LYRM9: variants seen among roughly 807,000 people sequenced by gnomAD.
LYRM9 encodes the protein LYR motif-containing protein 9.
In LYRM9, 14 loss-of-function variants were observed where a neutral mutation model predicts 12.6. That is an observed-to-expected ratio of 1.11 (90% CI 0.73 to 1.73). LYRM9 has a LOEUF of 1.73. Among genes scored for constraint, LYRM9 ranks in the 40% most tolerant of loss-of-function variants. The pLI is 0.00. For missense variants in LYRM9, 94 were observed against 95.0 expected (o/e 0.99, Z 0.04); for synonymous variants, 42 against 35.1 (o/e 1.20, Z -0.69).
intron 1 of LYRM9, chr17:27,892,144 G>A (rs1294478872): frequency 5.3e-6 from 1 of 187,698 alleles, no homozygotes; most frequent in Non-Finnish European, 1.1e-5. Context: ...TGCCCAGGCT[G>A]GTCTCAAAAT....
intron 2 of LYRM9, chr17:27,880,704 T>G: frequency 3.2e-6 from 1 of 315,876 alleles, no homozygotes; most frequent in Non-Finnish European, 5.9e-6. Context: ...TCCATCTCTC[T>G]TCCTCAGAAG....
intron 1 of LYRM9, chr17:27,883,299 A>G (rs1905126377): frequency 3.7e-6 from 1 of 272,354 alleles, no homozygotes; most frequent in Non-Finnish European, 7.4e-6. Context: ...GCATGAATCT[A>G]GGGGGCTCTG....
intron 1 of LYRM9, among the ~76,000 whole-genome samples, chr17:27,885,740 G>T (rs1294237408): frequency 1.3e-5 from 2 of 150,658 alleles, no homozygotes; most frequent in Admixed American, 1.3e-4. Context: ...ATTCATTTGG[G>T]CCCTAAAACC....
At position 27,886,793 on chromosome 17, in the gene LYRM9, A is replaced by C. The variant is rs1462398357; in HGVS notation, c.-18-4081T>G. ...CCTGAGTAGCTGGGATTACAGGTGC[A>C]TGCCACCACACCCAGCTAATTTTCG... On this transcript the variant is annotated intron_variant, in intron 1 of 3. Coordinates refer to ENST00000379102, the MANE Select transcript of LYRM9 (RefSeq NM_001076680.3). This position sits in a 1 kb window ranked among gnomAD's most constrained non-coding sequence, Gnocchi z 4.8. Among the ~76,000 whole-genome samples, 1 of 151,892 alleles carries C rather than the reference A, an allele frequency of 6.6e-6. No homozygotes were observed. Among genetic ancestry groups the C allele is most frequent in the Non-Finnish European group, 1.5e-5 (1 of 67,952 alleles).
intron 1 of LYRM9, chr17:27,892,651 T>G (rs1905496262): frequency 3.2e-6 from 1 of 308,610 alleles, no homozygotes; most frequent in Non-Finnish European, 6.4e-6. Context: ...AGAATGGGAG[T>G]AGATGGGAGG....
intron 1 of LYRM9, among the ~76,000 whole-genome samples, chr17:27,889,154 A>C (rs911337874): frequency 1.3e-5 from 2 of 152,170 alleles, no homozygotes; most frequent in Non-Finnish European, 2.9e-5. Context: ...CAGTTTGGCC[A>C]TGCTCTGACC....
chr17:27,890,949 T>C (rs561591140), intron 1 of LYRM9, among the ~76,000 whole-genome samples: 5 of 145,070 alleles, frequency 3.4e-5, no homozygotes, highest in Admixed American at 6.9e-5. Flanking sequence ...CTCTCCTACA[T>C]AGCCAAGGCT....
At chr17:27,880,037 C>T in intron 3 of LYRM9, 1 of 687,326 alleles carries the variant, frequency 1.5e-6, no homozygotes, top group Admixed American at 2.2e-5. Flanking sequence ...CACTGTTGGG[C>T]AGAAATTTGC....
intron 1 of LYRM9, 27 bp from the exon 2 acceptor site, chr17:27,882,739 G>C: frequency 6.5e-7 from 1 of 1,550,318 alleles, no homozygotes; most frequent in Non-Finnish European, 8.7e-7. Context: ...ATCACTTCCA[G>C]GGCATCAAGC....
chr17:27,891,168 C>A lies in LYRM9; in HGVS notation c.-19+2149G>T, dbSNP rs550597620. 2.0e-5 allele frequency among the ~76,000 whole-genome samples: 3 copies of A among 152,306 alleles called. No homozygotes were observed. The South Asian group carries it at 6.2e-4, about 32-fold the overall frequency. Reference sequence around the variant, plus strand: ...TTCCTCAGAACCTCTGTAGAGAGTTCTCTACCCATGGCCTTCTGAGATCTG... The same window carrying A: ...TTCCTCAGAACCTCTGTAGAGAGTTATCTACCCATGGCCTTCTGAGATCTG... On this transcript the variant is annotated intron_variant, in intron 1 of 3. Coordinates refer to ENST00000379102, the MANE Select transcript of LYRM9 (RefSeq NM_001076680.3).
Position 27,879,038 on chromosome 17 carries a change from T to C in LYRM9, c.*435A>G, listed in dbSNP as rs375119735. ...TCCTGTGTGAGGCACTTCACCTTCATCTTATTGCATCTGGGATTCAAATCC... is the reference window on the plus strand; with the variant it reads ...TCCTGTGTGAGGCACTTCACCTTCACCTTATTGCATCTGGGATTCAAATCC... On this transcript the variant is annotated 3_prime_UTR_variant, in exon 4 of 4. Coordinates refer to ENST00000379102, the MANE Select transcript of LYRM9 (RefSeq NM_001076680.3). 1 of 164,950 alleles carries C rather than the reference T, an allele frequency of 6.1e-6. No individual in the cohort carries two copies. The highest frequency in any genetic ancestry group is 6.3e-5 in the Admixed American group (1 of 15,780). 10.2% of individuals were successfully genotyped at this position (164,950 alleles called of 1,614,324 possible).
chr17:27,892,522 G>A (rs1905491781), intron 1 of LYRM9: 2 of 417,802 alleles, frequency 4.8e-6, no homozygotes, highest in Admixed American at 3.2e-5. Flanking sequence ...AAAACATTAC[G>A]CTAAGTGAAC....
At position 27,883,649 on chromosome 17, in the gene LYRM9, C is replaced by CA. The variant is rs747279385; in HGVS notation, c.-18-938dup. On this transcript the variant is annotated intron_variant, in intron 1 of 3. Transcript: ENST00000379102. The stretch of plus-strand genomic sequence containing the variant: ...TGGGTGACAAAGCAAGACTCCAACT[C>CA]AAAAAAAAAAAAAAAGAGAGAGAAT... Among the ~76,000 whole-genome samples the CA allele has an allele frequency of 7.4e-3, 686 of 92,588 alleles. 8 individuals are homozygous for CA. The highest frequency in any genetic ancestry group is 0.01 in the Non-Finnish European group (462 of 44,422). 60.7% of individuals were successfully genotyped at this position (92,588 alleles called of 152,430 possible). A position where few individuals can be genotyped will look rare whatever the true frequency, so the allele number is the denominator to read the frequency against.
Position 27,886,711 on chromosome 17 carries a change from G to A in LYRM9, c.-18-3999C>T, listed in dbSNP as rs766750463. Among the ~76,000 whole-genome samples, 5 of 150,044 alleles carry A rather than the reference G, an allele frequency of 3.3e-5. No homozygotes were observed. Among genetic ancestry groups the A allele is most frequent in the African/African-American group, 7.4e-5 (3 of 40,632 alleles). On this transcript the variant is annotated intron_variant, in intron 1 of 3. Coordinates refer to ENST00000379102, the MANE Select transcript of LYRM9 (RefSeq NM_001076680.3). The surrounding 1 kb of genome is among the most constrained non-coding windows in gnomAD (Gnocchi z 4.8). ...GTTGCCCAGGCTGGAGTGCAATGGC[G>A]CAATCTCGACCGCAACCTCCGCCTC...
chr17:27,879,837 CTCA>C (rs1040909974), intron 3 of LYRM9: 11 of 562,060 alleles, frequency 2.0e-5, no homozygotes, highest in Admixed American at 1.7e-4. Context: ...ACATTCCTGA[CTCA>C]CTCCCTTCCT....
chr17:27,887,254 TTTAAGTAG>T (rs1278230805), intron 1 of LYRM9, among the ~76,000 whole-genome samples: 1 of 152,244 alleles, frequency 6.6e-6, no homozygotes, highest in African/African-American at 2.4e-5. Flanking sequence ...CTGAAATTAC[TTTAAGTAG>T]TATACAGCCA....
chr17:27,889,342 T>C (rs1304706234), intron 1 of LYRM9, among the ~76,000 whole-genome samples: 1 of 151,626 alleles, frequency 6.6e-6, no homozygotes, highest in Non-Finnish European at 1.5e-5. Flanking sequence ...CATTTCGCTC[T>C]CGTTCCCCAG....
At chr17:27,889,281 T>A (rs1905340527) in intron 1 of LYRM9, among the ~76,000 whole-genome samples, 1 of 152,098 alleles carries the variant, frequency 6.6e-6, no homozygotes, top group Non-Finnish European at 1.5e-5. Flanking sequence ...CAAAGGCATT[T>A]TTCCATGTGC....
intron 1 of LYRM9, chr17:27,883,001 C>T (rs371777388): frequency 3.9e-6 from 2 of 518,592 alleles, no homozygotes; most frequent in East Asian, 1.1e-4. Context: ...GTAGGTGTCC[C>T]TCACCGGCAG....
Sources: gnomAD v4.1 joint callset for allele counts (sites outside exome capture counted in the v4.1 genomes callset) on GRCh38, gnomAD v4.1.1 for gene constraint, Gnocchi (gnomAD v3.1) non-coding constraint, MANE v1.5 for transcripts, NCBI Gene and HGNC (gene_info 2026-07-23, HGNC 2026-07-21) for gene names.